The following NCAPD3 variants were observed in gnomAD, a reference collection of about 807,000 sequenced individuals.
The protein encoded by NCAPD3 is non-SMC condensin II complex subunit D3.
In NCAPD3, 105 loss-of-function variants were observed where a neutral mutation model predicts 182.9. The ratio of observed to expected loss-of-function variants is 0.57; its 90% CI spans 0.49 to 0.68. The LOEUF is 0.68. Ranked by LOEUF, NCAPD3 falls within the 30% of genes least tolerant of loss-of-function variation. The pLI is 0.00. For missense variants in NCAPD3, 1,944 were observed against 1,837.0 expected (o/e 1.06, Z -1.07); for synonymous variants, 815 against 679.9 (o/e 1.20, Z -3.09).
intron 19 of NCAPD3, among the ~76,000 whole-genome samples, chr11:134,184,127 T>C (rs924570479): frequency 6.6e-6 from 1 of 152,220 alleles, no homozygotes; most frequent in Non-Finnish European, 1.5e-5. Flanking sequence ...TCTGTTTATA[T>C]AAAAACACTA....
chr11:134,160,030 T>G lies in NCAPD3; in HGVS notation c.3729A>C (p.Ala1243=), dbSNP rs750001862. 1.1e-5 allele frequency: 17 copies of G among 1,614,190 alleles called. No homozygotes were observed. The highest frequency in any genetic ancestry group is 5.0e-5 in the Admixed American group (3 of 60,022). Residue 1243 remains alanine (A), a synonymous_variant, in exon 29 of 35, where the codon GCA becomes GCC. Transcript: ENST00000534548. ...DYRDELKDFF[A]VDKQLASELE... Reference sequence around the variant, plus strand: ...GCTCTGATGCCAGCTGTTTGTCAACTGCAAAGAAGTCCTTGAGCTCATCTC... The same window carrying G: ...GCTCTGATGCCAGCTGTTTGTCAACGGCAAAGAAGTCCTTGAGCTCATCTC...
rs372214144 is a variant in NCAPD3, at chr11:134,156,796, TTGAC to T, written c.4252+218_4252+221del. ...TCTGCTCCGCGGGCCACTGTGGTGT[TTGAC>T]TGACTGAATGTAACGACACTGGAAC... On this transcript the variant is annotated intron_variant, in intron 32 of 34. Coordinates refer to ENST00000534548, the MANE Select transcript of NCAPD3 (RefSeq NM_015261.3). The T allele has an allele frequency of 9.1e-4, 395 of 432,524 alleles. 1 individual carries two copies. The East Asian group carries it at 0.01, about 11-fold the overall frequency. 26.8% of individuals were successfully genotyped at this position (432,524 alleles called of 1,614,324 possible).
chr11:134,201,006 C>T (rs1019251275), intron 13 of NCAPD3, among the ~76,000 whole-genome samples: 2 of 150,856 alleles, frequency 1.3e-5, no homozygotes, highest in African/African-American at 4.9e-5. Flanking sequence ...TGCATTTATG[C>T]GGAATGTCCA....
intron 27 of NCAPD3, among the ~76,000 whole-genome samples, chr11:134,165,354 T>G (rs1441748984): frequency 6.7e-6 from 1 of 149,064 alleles, no homozygotes; most frequent in Non-Finnish European, 1.5e-5. Flanking sequence ...ACTCATGAGC[T>G]TGGGAAGGGC....
At chr11:134,162,420 G>A (rs1014026391) in intron 27 of NCAPD3, among the ~76,000 whole-genome samples, 2 of 152,026 alleles carry the variant, frequency 1.3e-5, no homozygotes. Context: ...TATAGTACCT[G>A]ATTTGACCAA....
Position 134,150,132 on chromosome 11 carries a change from T to C in NCAPD3, c.*2812A>G, listed in dbSNP as rs1943171146. 6.5e-6 allele frequency: 1 copy of C among 154,200 alleles called. No individual in the cohort carries two copies. The highest frequency in any genetic ancestry group is 2.4e-5 in the African/African-American group (1 of 41,472). 9.6% of individuals were successfully genotyped at this position (154,200 alleles called of 1,614,324 possible). On this transcript the variant is annotated 3_prime_UTR_variant, in exon 35 of 35. Coordinates refer to ENST00000534548, the MANE Select transcript of NCAPD3 (RefSeq NM_015261.3). The stretch of plus-strand genomic sequence containing the variant: ...AAGGAATCCTCTCATGGAAGTTTAC[T>C]GTGATGTTCCTTTTCTCACACAAGT...
In NCAPD3 at chr11:134,152,639, T is replaced by A. The variant is rs1365613001; in HGVS notation, c.*305A>T. 1 of 254,486 alleles carries A rather than the reference T, an allele frequency of 3.9e-6. No homozygotes were observed. The highest frequency in any genetic ancestry group is 7.4e-6 in the Non-Finnish European group (1 of 135,756). 15.8% of individuals were successfully genotyped at this position (254,486 alleles called of 1,614,324 possible). ...AGCTGCAGTTTTAAAGTTGTGTTCCTTAAAGACCAGATTATAGCTTATCTG... is the reference window on the plus strand; with the variant it reads ...AGCTGCAGTTTTAAAGTTGTGTTCCATAAAGACCAGATTATAGCTTATCTG... On this transcript the variant is annotated 3_prime_UTR_variant, in exon 35 of 35. Coordinates refer to ENST00000534548, the MANE Select transcript of NCAPD3 (RefSeq NM_015261.3).
intron 3 of NCAPD3, 113 bp downstream of exon 3, chr11:134,216,823 G>C: frequency 9.2e-7 from 1 of 1,089,466 alleles, no homozygotes. Flanking sequence ...TCTGCCATGG[G>C]TTAGCACTGC....
chr11:134,224,036 G>T (rs908854430), upstream of NCAPD3: 1 of 1,324,296 alleles, frequency 7.6e-7, no homozygotes, highest in Non-Finnish European at 1.1e-6. Flanking sequence ...ATTTCCCACT[G>T]GCCAACCACC....
upstream of NCAPD3, chr11:134,225,375 A>G: frequency 1.9e-6 from 3 of 1,608,684 alleles, no homozygotes; most frequent in Non-Finnish European, 2.5e-6. Context: ...CCCCTCCCCC[A>G]GCGCCGACAG....
chr11:134,193,377 A>G (rs572302397), intron 15 of NCAPD3, among the ~76,000 whole-genome samples: 1 of 152,236 alleles, frequency 6.6e-6, no homozygotes, highest in Non-Finnish European at 1.5e-5. Context: ...TCATCTATCT[A>G]TGCCCTAATT....
intron 28 of NCAPD3, 23 bp from the exon 29 acceptor site, chr11:134,160,097 C>A (rs1943535708): frequency 6.2e-7 from 1 of 1,608,746 alleles, no homozygotes; most frequent in South Asian, 1.1e-5. Flanking sequence ...CAGGAGCATC[C>A]TTTCATGTTT....
intron 28 of NCAPD3, 38 bp downstream of exon 28, chr11:134,161,743 T>C: frequency 8.2e-7 from 1 of 1,226,944 alleles, no homozygotes; most frequent in Admixed American, 1.8e-5. Context: ...AATGAACTGG[T>C]AGGACAACAA....
chr11:134,211,986 A>G (rs1428126902), intron 3 of NCAPD3, among the ~76,000 whole-genome samples: 1 of 152,180 alleles, frequency 6.6e-6, no homozygotes, highest in Non-Finnish European at 1.5e-5. Flanking sequence ...AAGTCCACAG[A>G]TCCAAGAAGC....
intron 8 of NCAPD3, among the ~76,000 whole-genome samples, chr11:134,206,109 A>G (rs1346532374): frequency 2.0e-5 from 3 of 152,234 alleles, no homozygotes; most frequent in Non-Finnish European, 4.4e-5. Context: ...AAAGTAGTCT[A>G]ACACTTATTG....
intron 1 of NCAPD3, 108 bp from the exon 2 acceptor site, chr11:134,220,834 T>G (rs1424500225): frequency 2.9e-6 from 3 of 1,049,458 alleles, no homozygotes; most frequent in Non-Finnish European, 4.1e-6. Context: ...CTAGTCACGA[T>G]TCACATTTAA....
chr11:134,173,175 T>A (rs1038029285), intron 24 of NCAPD3: 3 of 152,748 alleles, frequency 2.0e-5, no homozygotes, highest in Non-Finnish European at 4.4e-5. Flanking sequence ...GGCCAACAGC[T>A]CTCCGTGGAG....
At chr11:134,165,067 G>A (rs1227601648) in intron 27 of NCAPD3, among the ~76,000 whole-genome samples, 3 of 151,550 alleles carry the variant, frequency 2.0e-5, no homozygotes, top group East Asian at 3.9e-4. Flanking sequence ...TAGCTGAGGG[G>A]GAGCGGCACA....
intron 27 of NCAPD3, among the ~76,000 whole-genome samples, chr11:134,166,773 TGGG>T (rs1424687028): frequency 1.2e-5 from 1 of 83,900 alleles, no homozygotes; most frequent in Non-Finnish European, 2.2e-5. Flanking sequence ...GAGATGAGCT[TGGG>T]GGAGGCGCAC....
Sources: gnomAD v4.1 joint callset for allele counts (sites outside exome capture counted in the v4.1 genomes callset) on GRCh38, gnomAD v4.1.1 for gene constraint, MANE v1.5 for transcripts, NCBI Gene and HGNC (gene_info 2026-07-23, HGNC 2026-07-21) for gene names.